Variants in COL4A6 observed in about 807,000 individuals in gnomAD.
COL4A6 encodes the protein collagen type IV alpha 6 chain.
In COL4A6, 59 loss-of-function variants were observed where a neutral mutation model predicts 126.7. The ratio of observed to expected loss-of-function variants is 0.47; its 90% CI spans 0.38 to 0.58. The LOEUF (loss-of-function observed/expected upper bound fraction) is 0.58. COL4A6 is among the 20% of genes least tolerant of loss of function. The pLI, the probability that COL4A6 is intolerant of heterozygous loss-of-function variation, is 0.00. For missense variants in COL4A6, 1,285 were observed against 1,337.3 expected (o/e 0.96, Z 0.61); for synonymous variants, 547 against 496.6 (o/e 1.10, Z -1.35).
intron 40 of COL4A6, among the ~76,000 whole-genome samples, chrX:108,164,028 T>A (rs758646342): frequency 9.0e-6 from 1 of 111,621 alleles, no homozygotes; most frequent in South Asian, 3.9e-4. Context: ...GGTGAGTTCA[T>A]TCCTACGCCA....
In COL4A6 at chrX:108,165,489, G is replaced by A; in HGVS notation, c.3692-3C>T. 3.5e-6 allele frequency: 4 copies of A among 1,135,531 alleles called. No individual in the cohort carries two copies. The highest frequency in any genetic ancestry group is 4.7e-6 in the Non-Finnish European group (4 of 849,932). The allele number at this position is 1,135,531 out of a possible 1,213,427, so 93.6% of individuals were successfully genotyped here. On this transcript the variant is annotated splice_region_variant and splice_polypyrimidine_tract_variant and intron_variant, in intron 37 of 44. Coordinates refer to ENST00000334504, the MANE Select transcript of COL4A6 (RefSeq NM_033641.4). ...AGGGCCCTGGAGACCTGGGAAACCT[G>A]TAAAGAATAAATAAAAGGGGCTGGA... is the stretch of plus-strand genomic sequence containing the variant.
intron 2 of COL4A6, among the ~76,000 whole-genome samples, chrX:108,366,764 A>C (rs2040206449): frequency 8.9e-6 from 1 of 111,843 alleles, no homozygotes; most frequent in Non-Finnish European, 1.9e-5. Flanking sequence ...CCCAGCCTGG[A>C]GAGCTGATCA....
chrX:108,253,980 G>A (rs1039795332), intron 3 of COL4A6, among the ~76,000 whole-genome samples: 1 of 111,621 alleles, frequency 9.0e-6, no homozygotes, highest in African/African-American at 3.3e-5. Context: ...AGGCCTAAGG[G>A]GAAAACTTTT....
chrX:108,157,594 T>C (rs1158103682), intron 44 of COL4A6, among the ~76,000 whole-genome samples: 1 of 111,386 alleles, frequency 9.0e-6, no homozygotes, highest in Non-Finnish European at 1.9e-5. Flanking sequence ...AGGTACCCCC[T>C]TGCAAAATTT....
intron 2 of COL4A6, among the ~76,000 whole-genome samples, chrX:108,355,351 C>T (rs957173609): frequency 8.9e-6 from 1 of 112,327 alleles, no homozygotes; most frequent in Non-Finnish European, 1.9e-5. Context: ...GTAGTTTCTA[C>T]ACCTAGAAGC....
chrX:108,437,843 G>T, intron 2 of COL4A6, 99 bp downstream of exon 2: 1 of 953,901 alleles, frequency 1.0e-6, no homozygotes, highest in Non-Finnish European at 1.5e-6. Context: ...TCCGTCTCGT[G>T]GTGAAACTCT....
chrX:108,413,803 T>C (rs1424417902), intron 2 of COL4A6, among the ~76,000 whole-genome samples: 1 of 112,051 alleles, frequency 8.9e-6, no homozygotes, highest in African/African-American at 3.2e-5. Flanking sequence ...CTGAAGGCAA[T>C]GTAGGAGTTA....
intron 2 of COL4A6, among the ~76,000 whole-genome samples, chrX:108,393,928 T>G (rs1189317230): frequency 9.0e-6 from 1 of 111,517 alleles, no homozygotes; most frequent in Non-Finnish European, 1.9e-5. Context: ...TTATTGGGTA[T>G]GTACCCAAAG....
At chrX:108,233,013 A>G (rs1808782501) in intron 3 of COL4A6, among the ~76,000 whole-genome samples, 1 of 112,198 alleles carries the variant, frequency 8.9e-6, no homozygotes, top group Admixed American at 9.5e-5. Context: ...AAGCTGTGAA[A>G]GTTGGGAGCA....
intron 3 of COL4A6, among the ~76,000 whole-genome samples, chrX:108,234,976 T>C (rs2036399068): frequency 9.0e-6 from 1 of 111,163 alleles, no homozygotes; most frequent in South Asian, 3.9e-4. Flanking sequence ...TGGCAGGATG[T>C]CAATTGTTAG....
rs544800617 is a variant in COL4A6, at chrX:108,281,288, T to C, written c.144+29460A>G. Among the ~76,000 whole-genome samples the C allele has an allele frequency of 1.2e-4, 11 of 90,117 alleles. 1 individual carries two copies. In the South Asian group the frequency reaches 6.7e-3, roughly 55 times the overall value. The allele number at this position is 90,117 out of a possible 115,157, so 78.3% of individuals were successfully genotyped here. A position where few individuals can be genotyped will look rare whatever the true frequency, so the allele number is the denominator to read the frequency against. ...AATCTCCTTAAGCTGATAAGCAACT[T>C]CAGCAAAGTCTCAGGATACAAAATC... On this transcript the variant is annotated intron_variant, in intron 3 of 44. Transcript: ENST00000334504.
At chrX:108,200,907 A>C (rs916056138) in intron 13 of COL4A6, among the ~76,000 whole-genome samples, 4 of 112,063 alleles carry the variant, frequency 3.6e-5, no homozygotes, top group Non-Finnish European at 3.8e-5. Flanking sequence ...TAAAAAGTAT[A>C]AATATGACCA....
chrX:108,342,248 T>C (rs1372889123), intron 2 of COL4A6, among the ~76,000 whole-genome samples: 1 of 112,386 alleles, frequency 8.9e-6, no homozygotes, highest in Admixed American at 9.4e-5. Flanking sequence ...TTCTGTTATC[T>C]TTTGGCTTCC....
intron 3 of COL4A6, among the ~76,000 whole-genome samples, chrX:108,255,652 TG>T (rs2036982530): frequency 9.1e-6 from 1 of 110,347 alleles, no homozygotes; most frequent in African/African-American, 3.3e-5. Flanking sequence ...AACCTCACCC[TG>T]TTAACAAACT....
chrX:108,289,496 A>AT (rs1490682300), intron 3 of COL4A6, among the ~76,000 whole-genome samples: 9 of 111,662 alleles, frequency 8.1e-5, no homozygotes, highest in African/African-American at 2.9e-4. Flanking sequence ...AAATGTTCAA[A>AT]TTAAAAAGTT....
intron 32 of COL4A6, among the ~76,000 whole-genome samples, chrX:108,171,831 C>T (rs1022158314): frequency 3.6e-5 from 4 of 111,778 alleles, no homozygotes; most frequent in Non-Finnish European, 7.5e-5. Context: ...AGACTGGAGC[C>T]GAGGTTCTCC....
chrX:108,346,777 T>C (rs890549987), intron 2 of COL4A6, among the ~76,000 whole-genome samples: 11 of 112,511 alleles, frequency 9.8e-5, no homozygotes, highest in Admixed American at 6.6e-4. Context: ...GTGTGAGCTA[T>C]ACATACATTT....
intron 3 of COL4A6, among the ~76,000 whole-genome samples, chrX:108,288,612 G>T (rs984358894): frequency 9.0e-6 from 1 of 110,858 alleles, no homozygotes; most frequent in African/African-American, 3.3e-5. Context: ...CATGAATTTG[G>T]CTAAGAAGCT....
In COL4A6 at chrX:108,367,009, G is replaced by T. The variant is rs748553652; in HGVS notation, c.64-56181C>A. 3.6e-5 allele frequency among the ~76,000 whole-genome samples: 4 copies of T among 112,246 alleles called. No individual in the cohort carries two copies. In the South Asian group the frequency reaches 1.5e-3, roughly 41 times the overall value. On this transcript the variant is annotated intron_variant, in intron 2 of 44. Transcript: ENST00000334504. The stretch of plus-strand genomic sequence containing the variant: ...TACTTTTTCTAGAAAGGAGAAGAGG[G>T]ATAGACTTAATTTGAAGCTCTACGG...
Sources: allele counts gnomAD v4.1 joint callset (sites outside exome capture counted in the v4.1 genomes callset), GRCh38; gene constraint gnomAD v4.1.1; transcripts MANE v1.5; gene names NCBI Gene and HGNC (gene_info 2026-07-23, HGNC 2026-07-21).